Variants in PCDH9 observed in about 807,000 individuals in gnomAD.
The protein encoded by PCDH9 is protocadherin-9.
Under a neutral mutation model 70.6 loss-of-function variants are expected in PCDH9, and 24 were observed. That is an observed-to-expected ratio of 0.34 (90% CI 0.25 to 0.48). The LOEUF (loss-of-function observed/expected upper bound fraction) is 0.48. PCDH9 is among the 20% of genes least tolerant of loss of function. The probability of loss-of-function intolerance (pLI) is 0.99; values close to 1 mark genes in which losing one functional copy is unlikely to be tolerated. For synonymous variants in PCDH9, 562 were observed against 558.5 expected (o/e 1.01, Z -0.09); for missense variants, 1,281 against 1,503.6 (o/e 0.85, Z 2.45).
At chr13:66,432,024 A>C (rs1403346576) in intron 4 of PCDH9, among the ~76,000 whole-genome samples, 1 of 151,916 alleles carries the variant, frequency 6.6e-6, no homozygotes, top group African/African-American at 2.4e-5. Flanking sequence ...GTGTTTTTTT[A>C]TTCGTTGTGT....
intron 4 of PCDH9, among the ~76,000 whole-genome samples, chr13:66,395,339 A>G (rs1957084384): frequency 6.6e-6 from 1 of 152,196 alleles, no homozygotes; most frequent in African/African-American, 2.4e-5. Flanking sequence ...GTGGTGGCTC[A>G]GGCCTGTAAT....
intron 3 of PCDH9, among the ~76,000 whole-genome samples, chr13:66,797,649 C>T (rs1180575717): frequency 6.6e-6 from 1 of 152,118 alleles, no homozygotes; most frequent in African/African-American, 2.4e-5. Flanking sequence ...CAACGTTAAA[C>T]CTCTACTATA....
chr13:66,829,916 A>G (rs1404147362), intron 3 of PCDH9, among the ~76,000 whole-genome samples: 1 of 149,796 alleles, frequency 6.7e-6, no homozygotes, highest in African/African-American at 2.5e-5. Context: ...TAAGGCTAAC[A>G]CATGTAAAAA....
intron 3 of PCDH9, among the ~76,000 whole-genome samples, chr13:66,644,079 A>G (rs1034362381): frequency 6.6e-6 from 1 of 152,074 alleles, no homozygotes; most frequent in African/African-American, 2.4e-5. Flanking sequence ...TATTGTATGT[A>G]TATAATGTTA....
At chr13:66,898,276 A>G (rs1240320703) in intron 3 of PCDH9, among the ~76,000 whole-genome samples, 1 of 152,064 alleles carries the variant, frequency 6.6e-6, no homozygotes, top group Non-Finnish European at 1.5e-5. Flanking sequence ...AAGTATGTAA[A>G]TAACATATAT....
chr13:66,505,080 C>T (rs1959197338), intron 4 of PCDH9, among the ~76,000 whole-genome samples: 1 of 152,132 alleles, frequency 6.6e-6, no homozygotes, highest in South Asian at 2.1e-4. Flanking sequence ...GATTTACATA[C>T]ATTTGCTAAT....
At chr13:66,448,597 A>C (rs940631282) in intron 4 of PCDH9, among the ~76,000 whole-genome samples, 2 of 152,214 alleles carry the variant, frequency 1.3e-5, no homozygotes, top group Non-Finnish European at 2.9e-5. Context: ...GTATAAAATC[A>C]CATGCAGTTT....
intron 2 of PCDH9, among the ~76,000 whole-genome samples, chr13:67,119,532 A>G (rs571879360): frequency 1.3e-5 from 2 of 152,312 alleles, no homozygotes; most frequent in African/African-American, 4.8e-5. Flanking sequence ...ATGAACTAGC[A>G]CAGAAAAGAG....
Position 66,448,279 on chromosome 13 carries a change from G to A in PCDH9, c.3341-143251C>T, listed in dbSNP as rs921084633. On this transcript the variant is annotated intron_variant, in intron 4 of 4. Transcript: ENST00000377865. ...TTGATGGCTCAGAACCACAGTACCC[G>A]ACATACATCCCCAGAGAAATAGCTG... Among the ~76,000 whole-genome samples, 8 of 152,118 alleles carry A rather than the reference G, an allele frequency of 5.3e-5. No homozygotes were observed. In the South Asian group the frequency reaches 8.3e-4, roughly 16 times the overall value.
chr13:66,634,192 A>G lies in PCDH9; in HGVS notation c.3139-2781T>C, dbSNP rs190742323. 1.1e-4 allele frequency among the ~76,000 whole-genome samples: 17 copies of G among 152,276 alleles called. No individual in the cohort carries two copies. In the East Asian group the frequency reaches 2.9e-3, roughly 26 times the overall value. On this transcript the variant is annotated intron_variant, in intron 3 of 4. Transcript: ENST00000377865. ...ATCTTTCTGAATTAATTTGACTCAG[A>G]TGTTTAAGTCTTAATTGGCAGATTT...
chr13:67,049,089 C>G (rs1181515189), intron 2 of PCDH9, among the ~76,000 whole-genome samples: 1 of 152,236 alleles, frequency 6.6e-6, no homozygotes, highest in East Asian at 1.9e-4. Context: ...AATGTTTGTT[C>G]TCTTTAACAT....
intron 4 of PCDH9, among the ~76,000 whole-genome samples, chr13:66,535,881 G>A (rs1960680049): frequency 6.6e-6 from 1 of 152,016 alleles, no homozygotes; most frequent in Non-Finnish European, 1.5e-5. Flanking sequence ...ATAGGAGTTT[G>A]AGGGAGCACT....
At chr13:66,959,161 T>G (rs2083306698) in intron 2 of PCDH9, among the ~76,000 whole-genome samples, 1 of 152,194 alleles carries the variant, frequency 6.6e-6, no homozygotes, top group Non-Finnish European at 1.5e-5. Context: ...TAAAAGAGCA[T>G]GATAAAAACA....
At chr13:66,829,597 T>G (rs927706208) in intron 3 of PCDH9, among the ~76,000 whole-genome samples, 7 of 151,606 alleles carry the variant, frequency 4.6e-5, no homozygotes, top group African/African-American at 1.7e-4. Flanking sequence ...CAAACTGACA[T>G]TACGAAAAGT....
In PCDH9 at chr13:66,594,238, A is replaced by C. The variant is rs980279425; in HGVS notation, c.3340+36972T>G. On this transcript the variant is annotated intron_variant, in intron 4 of 4. Coordinates refer to ENST00000377865, the MANE Select transcript of PCDH9 (RefSeq NM_203487.3). The stretch of plus-strand genomic sequence containing the variant: ...AACAGTATTCTATTTAGCCAGCCAC[A>C]ACATTTGAACATCATCTTTCGAATC... Among the ~76,000 whole-genome samples, 7 of 151,762 alleles carry C rather than the reference A, an allele frequency of 4.6e-5. No individual in the cohort carries two copies. The East Asian group carries it at 1.4e-3, about 29-fold the overall frequency.
At chr13:66,561,084 C>T (rs997535110) in intron 4 of PCDH9, among the ~76,000 whole-genome samples, 4 of 152,354 alleles carry the variant, frequency 2.6e-5, no homozygotes, top group African/African-American at 9.6e-5. Context: ...CGGGCGGGAA[C>T]CCGGGCTGCG....
intron 3 of PCDH9, among the ~76,000 whole-genome samples, chr13:66,822,542 G>T (rs1186643674): frequency 7.0e-6 from 1 of 142,720 alleles, no homozygotes; most frequent in Admixed American, 7.4e-5. Flanking sequence ...CTGTCACCTA[G>T]GCTGGAGGGA....
intron 3 of PCDH9, among the ~76,000 whole-genome samples, chr13:66,772,963 C>T (rs988157): frequency 0.41 from 61,921 of 151,536 alleles, 12,957 homozygotes; most frequent in East Asian, 0.58. Flanking sequence ...ATTTCGTTGA[C>T]TACAAAAGAT....
intron 2 of PCDH9, among the ~76,000 whole-genome samples, chr13:66,944,043 TG>T (rs11356755): frequency 0.16 from 24,285 of 152,076 alleles, 2,116 homozygotes; most frequent in Non-Finnish European, 0.18. Context: ...GAGAATCAAA[TG>T]AAATAATGAT....
Sources: gnomAD v4.1 joint callset for allele counts (sites outside exome capture counted in the v4.1 genomes callset) on GRCh38, gnomAD v4.1.1 for gene constraint, MANE v1.5 for transcripts, NCBI Gene and HGNC (gene_info 2026-07-23, HGNC 2026-07-21) for gene names.